The following TPX2 variants were observed in gnomAD, a reference collection of about 807,000 sequenced individuals.
TPX2 encodes the protein TPX2 microtubule nucleation factor.
TPX2 carries 21 observed loss-of-function variants against 93.6 expected under a neutral mutation model. The ratio of observed to expected loss-of-function variants is 0.22; its 90% confidence interval spans 0.16 to 0.32. The LOEUF is 0.32. TPX2 is among the 10% of genes least tolerant of loss of function. The pLI, the probability that TPX2 is intolerant of heterozygous loss-of-function variation, is 1.00. For missense variants in TPX2, 776 were observed against 871.1 expected, an observed-to-expected ratio of 0.89 and a Z score of 1.37; for synonymous variants, 281 against 298.3, an observed-to-expected ratio of 0.94 and a Z score of 0.60.
chr20:31,761,115 A>G (rs910337445), intron 4 of TPX2, among the ~76,000 whole-genome samples: 2 of 151,844 alleles, frequency 1.3e-5, no homozygotes, highest in South Asian at 2.1e-4. Context: ...TTTGAAAAGT[A>G]TTATGTGGGT....
intron 12 of TPX2, among the ~76,000 whole-genome samples, chr20:31,790,802 C>T (rs923444613): frequency 6.6e-6 from 1 of 152,096 alleles, no homozygotes; most frequent in Non-Finnish European, 1.5e-5. Flanking sequence ...TAGTCTCCAT[C>T]CTCGAAGCAC....
rs1427976451 is a variant in TPX2 at position 31,797,619 on chromosome 20, A to G, written c.1945+104A>G. 8.5e-6 allele frequency: 9 copies of G among 1,059,664 alleles called. No individual in the cohort carries two copies. The East Asian group carries it at 1.3e-4, about 15-fold the overall frequency. The allele number at this position is 1,059,664 out of a possible 1,614,324, so 65.6% of individuals were successfully genotyped here. On this transcript the variant is annotated intron_variant, in intron 16 of 17. Transcript: ENST00000300403. ...GTACAATGCTGTGTCAACTAGAAGC[A>G]TTTGACTTTAGCAGATGGTAGCTTT...
chr20:31,745,846 GCT>G (rs906456372), intron 2 of TPX2, among the ~76,000 whole-genome samples: 2 of 152,120 alleles, frequency 1.3e-5, no homozygotes, highest in African/African-American at 4.8e-5. Context: ...ATTTTACAAA[GCT>G]CTCTGTCATT....
At position 31,797,385 on chromosome 20, in the gene TPX2, C is replaced by T. The variant is rs764899362; in HGVS notation, c.1834-19C>T. 2 of 1,612,730 alleles carry T rather than the reference C, an allele frequency of 1.2e-6. No individual in the cohort carries two copies. Among genetic ancestry groups the T allele is most frequent in the African/African-American group, 2.7e-5 (2 of 74,862 alleles). On this transcript the variant is annotated intron_variant, in intron 15 of 17. Coordinates refer to ENST00000300403, the MANE Select transcript of TPX2 (RefSeq NM_012112.5). ...GAAAGGTGAGACATTGCTCATCTGA[C>T]TGACTTTCTCTCTAATAGCTGGAAG...
intron 2 of TPX2, among the ~76,000 whole-genome samples, chr20:31,745,387 T>C (rs990551468): frequency 2.0e-5 from 3 of 150,018 alleles, no homozygotes; most frequent in Non-Finnish European, 4.4e-5. Context: ...TGGAATACAG[T>C]GGCACAATCT....
At chr20:31,742,904 C>A (rs1030435903) in intron 2 of TPX2, among the ~76,000 whole-genome samples, 4 of 152,024 alleles carry the variant, frequency 2.6e-5, no homozygotes, top group Non-Finnish European at 5.9e-5. Context: ...GTTCTAAGAC[C>A]TTCCCAGGAT....
intron 7 of TPX2, among the ~76,000 whole-genome samples, chr20:31,772,103 C>G (rs541057821): frequency 1.9e-4 from 28 of 150,698 alleles, no homozygotes; most frequent in Middle Eastern, 3.5e-3. Flanking sequence ...TTACTGCAAC[C>G]TCTGCCTCCC....
chr20:31,797,397 C>T lies in TPX2; in HGVS notation c.1834-7C>T. On this transcript the variant is annotated splice_region_variant and splice_polypyrimidine_tract_variant and intron_variant, in intron 15 of 17. Coordinates refer to ENST00000300403, the MANE Select transcript of TPX2 (RefSeq NM_012112.5). ...ATTGCTCATCTGACTGACTTTCTCT[C>T]TAATAGCTGGAAGAAGAACTGAGAC... 6.2e-7 allele frequency: 1 copy of T among 1,613,776 alleles called. No homozygotes were observed. The highest frequency in any genetic ancestry group is 1.7e-5 in the Admixed American group (1 of 59,966).
chr20:31,749,854 C>T (rs1299296469), intron 2 of TPX2, among the ~76,000 whole-genome samples: 1 of 151,956 alleles, frequency 6.6e-6, no homozygotes, highest in Non-Finnish European at 1.5e-5. Flanking sequence ...AATTTATATA[C>T]CCTTTTATTA....
At chr20:31,793,065 A>C (rs1698935240) in intron 13 of TPX2, among the ~76,000 whole-genome samples, 1 of 152,186 alleles carries the variant, frequency 6.6e-6, no homozygotes, top group Non-Finnish European at 1.5e-5. Context: ...GGAAACAGTA[A>C]GGAGCAGTTA....
intron 2 of TPX2, among the ~76,000 whole-genome samples, chr20:31,745,340 T>G (rs1482424309): frequency 1.3e-5 from 2 of 151,086 alleles, no homozygotes; most frequent in Non-Finnish European, 3.0e-5. Flanking sequence ...TTTTTTTTTT[T>G]TTTTTTGGAG....
chr20:31,784,071 T>G, intron 12 of TPX2, 150 bp downstream of exon 12: 1 of 834,184 alleles, frequency 1.2e-6, no homozygotes, highest in Non-Finnish European at 1.9e-6. Flanking sequence ...TGGATTTTGC[T>G]TTTAGTTAAC....
At chr20:31,776,383 A>T (rs191090557) in intron 8 of TPX2, among the ~76,000 whole-genome samples, 11 of 150,678 alleles carry the variant, frequency 7.3e-5, no homozygotes, top group Admixed American at 6.0e-4. Context: ...CCCGGCCAGT[A>T]GGTGTTTTTG....
chr20:31,767,889 T>G (rs1036324554), intron 5 of TPX2, among the ~76,000 whole-genome samples: 1 of 151,240 alleles, frequency 6.6e-6, no homozygotes, highest in African/African-American at 2.4e-5. Context: ...GTGTTTACCC[T>G]CTCTGTGGTT....
intron 2 of TPX2, among the ~76,000 whole-genome samples, chr20:31,743,799 T>C (rs1056714940): frequency 9.9e-5 from 15 of 151,206 alleles, no homozygotes; most frequent in Admixed American, 2.6e-4. Flanking sequence ...CAATCTCAGC[T>C]TACCGTAACC....
At chr20:31,791,210 C>T (rs556649999) in intron 12 of TPX2, among the ~76,000 whole-genome samples, 1 of 152,280 alleles carries the variant, frequency 6.6e-6, no homozygotes, top group Admixed American at 6.5e-5. Context: ...GAGTGAGATT[C>T]AAGCAAGTGC....
chr20:31,788,735 C>G (rs886470988), intron 12 of TPX2, among the ~76,000 whole-genome samples: 1 of 152,072 alleles, frequency 6.6e-6, no homozygotes, highest in African/African-American at 2.4e-5. Flanking sequence ...GCCTTGAGCA[C>G]GAGGGTGTGA....
intron 4 of TPX2, among the ~76,000 whole-genome samples, chr20:31,764,517 G>T (rs1251004510): frequency 6.6e-6 from 1 of 152,066 alleles, no homozygotes; most frequent in East Asian, 1.9e-4. Context: ...GAAATTCTGT[G>T]CTCTGAAACC....
chr20:31,797,352 T>C, intron 15 of TPX2, 52 bp from the exon 16 acceptor site: 2 of 1,516,340 alleles, frequency 1.3e-6, no homozygotes, highest in Non-Finnish European at 1.8e-6. Context: ...ATTGAGGTAG[T>C]GGTCATAGAA....
Sources: allele counts gnomAD v4.1 joint callset (sites outside exome capture counted in the v4.1 genomes callset), GRCh38; gene constraint gnomAD v4.1.1; transcripts MANE v1.5; gene names NCBI Gene and HGNC (gene_info 2026-07-23, HGNC 2026-07-21).